The following PJA2 variants were observed in gnomAD, a reference collection of about 807,000 sequenced individuals.
PJA2 encodes praja ring finger ubiquitin ligase 2, also known as E3 ubiquitin-protein ligase Praja-2.
In PJA2, 25 loss-of-function variants were observed where a neutral mutation model predicts 69.3. The observed-to-expected ratio is 0.36, with a 90% confidence interval of 0.26 to 0.50. The LOEUF is 0.50. Among genes scored for constraint, PJA2 ranks in the 20% least tolerant of loss-of-function variants. The probability of loss-of-function intolerance (pLI) is 0.96; values close to 1 mark genes in which losing one functional copy is unlikely to be tolerated. For missense variants in PJA2, 809 were observed against 830.2 expected, an observed-to-expected ratio of 0.97 and a Z score of 0.31; for synonymous variants, 308 against 277.8, an observed-to-expected ratio of 1.11 and a Z score of -1.08.
At chr5:109,385,321 G>C (rs1246967418) in intron 1 of PJA2, among the ~76,000 whole-genome samples, 1 of 152,160 alleles carries the variant, frequency 6.6e-6, no homozygotes, top group Non-Finnish European at 1.5e-5. Flanking sequence ...TTAAAATAAA[G>C]ATGGTAAGAA....
At chr5:109,387,031 T>C (rs2127010708) in intron 1 of PJA2, among the ~76,000 whole-genome samples, 1 of 152,312 alleles carries the variant, frequency 6.6e-6, no homozygotes, top group East Asian at 1.9e-4. Context: ...ACTTTTTCTT[T>C]ATTTGGCCCA....
intron 8 of PJA2, 97 bp downstream of exon 8, chr5:109,344,608 G>T (rs1762143218): frequency 4.8e-6 from 4 of 841,290 alleles, no homozygotes; most frequent in Non-Finnish European, 7.2e-6. Flanking sequence ...TCTAGTGAAA[G>T]TTTCTAATAA....
intron 7 of PJA2, among the ~76,000 whole-genome samples, chr5:109,353,756 T>TGATATCTAGAGATATCTATAGATTA (rs1762329946): frequency 8.4e-6 from 1 of 118,588 alleles, no homozygotes; most frequent in African/African-American, 3.5e-5. Context: ...TAGATATCTA[T>TGATATCTAGAGATATCTATAGATTA]GATATCTAGA....
chr5:109,389,989 T>C (rs1421689922), intron 1 of PJA2, among the ~76,000 whole-genome samples: 2 of 151,930 alleles, frequency 1.3e-5, no homozygotes, highest in Admixed American at 1.3e-4. Context: ...CTTTGAAGAT[T>C]AATGATACTA....
rs62375647 is a variant in PJA2 at position 109,408,346 on chromosome 5, A to G, written c.-88+1496T>C. Among the ~76,000 whole-genome samples, 430 of 152,326 alleles carry G rather than the reference A, an allele frequency of 2.8e-3. 2 individuals are homozygous for G. Among genetic ancestry groups the G allele is most frequent in the South Asian group, 3.9e-3 (19 of 4,830 alleles). ...ATCATCATTTGTAATAGCAAAAAGAAACTGCAATTAAATGTCTTTCAAAAA... is the reference window on the plus strand; with the variant it reads ...ATCATCATTTGTAATAGCAAAAAGAGACTGCAATTAAATGTCTTTCAAAAA... On this transcript the variant is annotated intron_variant, in intron 1 of 9. Coordinates refer to ENST00000361189, the MANE Select transcript of PJA2 (RefSeq NM_014819.5).
chr5:109,397,146 T>C (rs147579779), intron 1 of PJA2, among the ~76,000 whole-genome samples: 200 of 152,324 alleles, frequency 1.3e-3, no homozygotes, highest in Non-Finnish European at 2.5e-3. Context: ...GGTGCCATAT[T>C]GGAAGCAGAC....
chr5:109,403,679 T>C (rs181158326), intron 1 of PJA2, among the ~76,000 whole-genome samples: 1 of 149,098 alleles, frequency 6.7e-6, no homozygotes, highest in African/African-American at 2.5e-5. Flanking sequence ...ACGTAATTCA[T>C]CACATTAACA....
intron 1 of PJA2, among the ~76,000 whole-genome samples, chr5:109,402,386 GTATTAA>G (rs1470996130): frequency 1.3e-5 from 2 of 152,104 alleles, no homozygotes; most frequent in African/African-American, 4.8e-5. Context: ...TGGAGAGGCT[GTATTAA>G]TATTAGATAA....
In PJA2 at chr5:109,337,025, G is replaced by T; in HGVS notation, c.*206C>A. On this transcript the variant is annotated 3_prime_UTR_variant, in exon 10 of 10. Transcript: ENST00000361189. ...ACATATTCAACTAAAGAAAATGGAT[G>T]CACTGTCTCAACATTCAGCTTAAAA... The T allele has an allele frequency of 3.3e-6, 1 of 307,304 alleles. No individual in the cohort carries two copies. Among genetic ancestry groups the T allele is most frequent in the East Asian group, 7.5e-5 (1 of 13,404 alleles). The allele number at this position is 307,304 out of a possible 1,614,324, so 19.0% of individuals were successfully genotyped here.
chr5:109,406,985 C>T (rs1209042143), intron 1 of PJA2, among the ~76,000 whole-genome samples: 1 of 152,070 alleles, frequency 6.6e-6, no homozygotes, highest in Non-Finnish European at 1.5e-5. Flanking sequence ...CAAAATGATA[C>T]CAATTTATAG....
chr5:109,371,690 A>G (rs1762678103), intron 4 of PJA2, among the ~76,000 whole-genome samples: 1 of 152,202 alleles, frequency 6.6e-6, no homozygotes, highest in Non-Finnish European at 1.5e-5. Flanking sequence ...TATTACTCCA[A>G]AAAACCTTCA....
At chr5:109,338,104 T>G (rs897026483) in intron 9 of PJA2, among the ~76,000 whole-genome samples, 17 of 152,096 alleles carry the variant, frequency 1.1e-4, no homozygotes, top group African/African-American at 4.1e-4. Context: ...ATTATCCCCT[T>G]GCAAATCTGG....
chr5:109,397,133 A>T (rs942299119), intron 1 of PJA2, among the ~76,000 whole-genome samples: 1 of 152,200 alleles, frequency 6.6e-6, no homozygotes, highest in South Asian at 2.1e-4. Context: ...AAGACAAGCA[A>T]CAGGTGCCAT....
At chr5:109,354,086 A>G (rs867914340) in intron 7 of PJA2, among the ~76,000 whole-genome samples, 2 of 123,318 alleles carry the variant, frequency 1.6e-5, no homozygotes, top group East Asian at 2.1e-4. Context: ...TAGATTAGAT[A>G]TCTATATCTA....
chr5:109,366,072 G>C (rs1038829238), intron 5 of PJA2, among the ~76,000 whole-genome samples: 2 of 151,950 alleles, frequency 1.3e-5, no homozygotes, highest in East Asian at 1.9e-4. Flanking sequence ...TTTTGGGCTA[G>C]ATTTAATTAG....
rs148353376 is a variant in PJA2 at position 109,391,118 on chromosome 5, G to A, written c.-87-7598C>T. ...ATTGTAAAGTTGAAAAATCATAAAC[G>A]AAACCAGTTGAGCACTGTCTGTAGT... On this transcript the variant is annotated intron_variant, in intron 1 of 9. Transcript: ENST00000361189. Among the ~76,000 whole-genome samples the A allele has an allele frequency of 3.6e-4, 55 of 152,154 alleles. No individual in the cohort carries two copies. In the East Asian group the frequency reaches 9.7e-3, roughly 27 times the overall value.
intron 1 of PJA2, chr5:109,390,774 T>C (rs1398458981): frequency 2.6e-5 from 4 of 152,152 alleles, no homozygotes; most frequent in East Asian, 3.8e-4. Context: ...AATTACAAAA[T>C]GTATCCTTGA....
chr5:109,396,000 C>CAAA (rs368922382), intron 1 of PJA2, among the ~76,000 whole-genome samples: 7 of 107,912 alleles, frequency 6.5e-5, no homozygotes, highest in Non-Finnish European at 8.6e-5. Flanking sequence ...AACTCTATCT[C>CAAA]AAAAAAAAAA....
In PJA2 at chr5:109,381,611, A is replaced by C; in HGVS notation, c.124T>G (p.Tyr42Asp). Residue 42 changes from tyrosine (Y) to aspartate (D), a missense_variant, in exon 3 of 10, where the codon TAT becomes GAT. Physicochemically the swap from Tyr to Asp is radical, Grantham distance 160. Transcript: ENST00000361189. ...GTCATACATGGTTTAAAACTGACAT[A>C]AGCATGTCTTCTTCCATATCTCCTG... is the stretch of plus-strand genomic sequence containing the variant. ...TGRRYGRRHA[Y>D]VSFKPCMTRH... is the part of the protein sequence containing the mutation. 6.2e-7 allele frequency: 1 copy of C among 1,614,166 alleles called. No homozygotes were observed. Among genetic ancestry groups the C allele is most frequent in the South Asian group, 1.1e-5 (1 of 91,084 alleles).
Sources: allele counts gnomAD v4.1 joint callset (sites outside exome capture counted in the v4.1 genomes callset), GRCh38; gene constraint gnomAD v4.1.1; transcripts MANE v1.5; gene names NCBI Gene and HGNC (gene_info 2026-07-23, HGNC 2026-07-21).